EYS: variants seen among roughly 807,000 people sequenced by gnomAD.
EYS encodes the protein protein eyes shut homolog.
In EYS, 250 loss-of-function variants were observed where a neutral mutation model predicts 282.1. The ratio of observed to expected loss-of-function variants is 0.89; its 90% confidence interval spans 0.80 to 0.98. The LOEUF (loss-of-function observed/expected upper bound fraction) is 0.98, where lower values mean the gene tolerates loss of function less well. EYS is among the 50% of genes least tolerant of loss of function. The probability of loss-of-function intolerance (pLI) is 0.00; values close to 1 mark genes in which losing one functional copy is unlikely to be tolerated. For synonymous variants in EYS, 1,355 were observed against 1,282.9 expected, an observed-to-expected ratio of 1.06 and a Z score of -1.20; for missense variants, 4,016 against 3,709.0, an observed-to-expected ratio of 1.08 and a Z score of -2.15.
intron 12 of EYS, 123 bp from the exon 13 acceptor site, chr6:65,057,850 G>C (rs1016644424): frequency 1.1e-5 from 7 of 662,462 alleles, no homozygotes; most frequent in South Asian, 7.2e-5. Flanking sequence ...AAATTTATTA[G>C]ATAAGAATGC....
At chr6:63,992,326 T>C (rs1377321630) in intron 34 of EYS, among the ~76,000 whole-genome samples, 1 of 151,860 alleles carries the variant, frequency 6.6e-6, no homozygotes, top group Non-Finnish European at 1.5e-5. Flanking sequence ...TTTAAAGATT[T>C]CAACTTATTT....
chr6:64,987,884 TA>T (rs1372292982), intron 14 of EYS, among the ~76,000 whole-genome samples: 1 of 151,588 alleles, frequency 6.6e-6, no homozygotes, highest in African/African-American at 2.4e-5. Flanking sequence ...CATGTATGTG[TA>T]AATTCATTTT....
intron 19 of EYS, among the ~76,000 whole-genome samples, chr6:64,825,132 A>T (rs1454934478): frequency 6.6e-6 from 1 of 151,918 alleles, no homozygotes; most frequent in African/African-American, 2.4e-5. Flanking sequence ...AGACCTTTGT[A>T]CTTTTATTCC....
chr6:64,523,105 C>A (rs946247384), intron 26 of EYS, among the ~76,000 whole-genome samples: 1 of 151,432 alleles, frequency 6.6e-6, no homozygotes, highest in South Asian at 2.1e-4. Context: ...TTAAACAGAG[C>A]TATTTGAGCT....
At chr6:64,155,444 C>T (rs537395823) in intron 31 of EYS, among the ~76,000 whole-genome samples, 94 of 151,888 alleles carry the variant, frequency 6.2e-4, no homozygotes, top group African/African-American at 2.2e-3. Context: ...AAATAGGTGC[C>T]TGATTTTCAG....
At chr6:65,542,074 GCA>G (rs879781301) in intron 2 of EYS, among the ~76,000 whole-genome samples, 4 of 152,060 alleles carry the variant, frequency 2.6e-5, no homozygotes, top group Admixed American at 2.0e-4. Flanking sequence ...GGAATTGACT[GCA>G]CACTTTGCAA....
chr6:64,741,253 G>A (rs938968337), intron 22 of EYS, among the ~76,000 whole-genome samples: 1 of 152,092 alleles, frequency 6.6e-6, no homozygotes, highest in Non-Finnish European at 1.5e-5. Flanking sequence ...GAGCTCTTGG[G>A]TGACCAGGCC....
intron 13 of EYS, among the ~76,000 whole-genome samples, chr6:65,004,271 TCA>T (rs1771565362): frequency 6.8e-6 from 1 of 147,634 alleles, no homozygotes; most frequent in East Asian, 2.1e-4. Context: ...CACTTGTGAC[TCA>T]CAAAAATATA....
intron 8 of EYS, among the ~76,000 whole-genome samples, chr6:65,383,928 C>A (rs2150351502): frequency 6.6e-6 from 1 of 151,896 alleles, no homozygotes; most frequent in South Asian, 2.1e-4. Context: ...AATAGACATA[C>A]CTACAAGTAA....
intron 31 of EYS, among the ~76,000 whole-genome samples, chr6:64,214,317 A>G (rs1765865699): frequency 6.6e-6 from 1 of 152,124 alleles, no homozygotes; most frequent in South Asian, 2.1e-4. Context: ...CTGCCAATAT[A>G]TGACAGATGT....
intron 5 of EYS, among the ~76,000 whole-genome samples, chr6:65,418,221 C>T (rs1385989061): frequency 6.6e-6 from 1 of 151,916 alleles, no homozygotes; most frequent in East Asian, 1.9e-4. Context: ...ACTACATTTC[C>T]AGTTAGAAAA....
intron 36 of EYS, among the ~76,000 whole-genome samples, chr6:63,839,673 G>A (rs1771900044): frequency 6.6e-6 from 1 of 152,072 alleles, no homozygotes; most frequent in South Asian, 2.1e-4. Context: ...TAGTGCTCCA[G>A]TAAACACGAG....
chr6:65,689,702 A>G (rs1234436589), intron 1 of EYS, among the ~76,000 whole-genome samples: 1 of 149,886 alleles, frequency 6.7e-6, no homozygotes, highest in Non-Finnish European at 1.5e-5. Flanking sequence ...CTACTTTTTT[A>G]TATATACTTT....
intron 12 of EYS, among the ~76,000 whole-genome samples, chr6:65,234,781 G>C (rs1766882264): frequency 6.6e-6 from 1 of 152,172 alleles, no homozygotes; most frequent in Non-Finnish European, 1.5e-5. Flanking sequence ...AGATGCCTCT[G>C]TGAGATATGT....
intron 22 of EYS, among the ~76,000 whole-genome samples, chr6:64,771,719 G>A (rs978063647): frequency 1.3e-5 from 2 of 151,562 alleles, no homozygotes; most frequent in Non-Finnish European, 3.0e-5. Flanking sequence ...CAATAAATAT[G>A]GTCTAAAAGA....
chr6:64,544,059 C>T lies in EYS; in HGVS notation c.5644+46164G>A, dbSNP rs528519057. Among the ~76,000 whole-genome samples the T allele has an allele frequency of 2.2e-4, 34 of 152,198 alleles. 1 individual carries two copies. The highest frequency in any genetic ancestry group is 4.3e-4 in the Non-Finnish European group (29 of 67,990). On this transcript the variant is annotated intron_variant, in intron 26 of 42. Coordinates refer to ENST00000503581, the MANE Select transcript of EYS (RefSeq NM_001142800.2). Reference sequence around the variant, plus strand: ...TTCTTAGGAATTATTATCTACAAAACGGGTTTTAAAATACTGTTAACTCCA... The same window carrying T: ...TTCTTAGGAATTATTATCTACAAAATGGGTTTTAAAATACTGTTAACTCCA...
intron 22 of EYS, among the ~76,000 whole-genome samples, chr6:64,677,693 T>G (rs1225682249): frequency 6.6e-6 from 1 of 152,160 alleles, no homozygotes; most frequent in East Asian, 1.9e-4. Flanking sequence ...AGTTTCAGTA[T>G]CCACTGAGGG....
intron 29 of EYS, among the ~76,000 whole-genome samples, chr6:64,316,888 A>G (rs1341419842): frequency 2.6e-5 from 4 of 152,168 alleles, no homozygotes; most frequent in African/African-American, 9.7e-5. Flanking sequence ...GGAACAGAAC[A>G]GAGACCTCAG....
intron 12 of EYS, among the ~76,000 whole-genome samples, chr6:65,065,515 T>C (rs894373689): frequency 2.0e-5 from 3 of 151,652 alleles, no homozygotes; most frequent in Non-Finnish European, 4.4e-5. Context: ...CCAGGGTAGC[T>C]GGGACTACAG....
Sources: gnomAD v4.1 joint callset for allele counts (sites outside exome capture counted in the v4.1 genomes callset) on GRCh38, gnomAD v4.1.1 for gene constraint, MANE v1.5 for transcripts, NCBI Gene and HGNC (gene_info 2026-07-23, HGNC 2026-07-21) for gene names.